PCDH7: variants seen among roughly 807,000 people sequenced by gnomAD.
PCDH7 encodes protocadherin 7.
PCDH7 carries 17 observed loss-of-function variants against 58.9 expected under a neutral mutation model. The observed-to-expected ratio is 0.29, with a 90% CI of 0.20 to 0.43. The LOEUF (loss-of-function observed/expected upper bound fraction) is 0.43, where lower values mean the gene tolerates loss of function less well. Ranked by LOEUF, PCDH7 falls within the 20% of genes least tolerant of loss-of-function variation. The pLI, the probability that PCDH7 is intolerant of heterozygous loss-of-function variation, is 1.00. For synonymous variants in PCDH7, 664 were observed against 616.4 expected (o/e 1.08, Z -1.14); for missense variants, 1,274 against 1,441.0 (o/e 0.88, Z 1.88).
At chr4:30,857,901 C>A (rs926733304) in intron 1 of PCDH7, among the ~76,000 whole-genome samples, 1 of 152,036 alleles carries the variant, frequency 6.6e-6, no homozygotes, top group Non-Finnish European at 1.5e-5. Context: ...ATAAACAATG[C>A]AGTTCATTGG....
intron 2 of PCDH7, chr4:30,935,173 ATTACT>A (rs1222020878): frequency 6.2e-6 from 1 of 160,278 alleles, no homozygotes; most frequent in Non-Finnish European, 1.3e-5. Flanking sequence ...ATTCTGAAGT[ATTACT>A]TTACTATATT....
intron 1 of PCDH7, among the ~76,000 whole-genome samples, chr4:30,807,488 G>A (rs560963505): frequency 2.0e-5 from 3 of 152,270 alleles, no homozygotes; most frequent in South Asian, 2.1e-4. Context: ...ACAGCAGTAC[G>A]GATGAGGATA....
chr4:31,122,220 T>A (rs1188530985), intron 3 of PCDH7, among the ~76,000 whole-genome samples: 1 of 152,084 alleles, frequency 6.6e-6, no homozygotes, highest in African/African-American at 2.4e-5. Flanking sequence ...TCACACCAAA[T>A]CCCCACGTGC....
intron 1 of PCDH7, among the ~76,000 whole-genome samples, chr4:30,918,217 A>G (rs2109412661): frequency 6.6e-6 from 1 of 152,240 alleles, no homozygotes; most frequent in Non-Finnish European, 1.5e-5. Flanking sequence ...CATTGCCCAG[A>G]AGTGTTTACT....
At position 31,079,619 on chromosome 4, in the gene PCDH7, G is replaced by A. The variant is rs549530338; in HGVS notation, c.*8-62854G>A. Among the ~76,000 whole-genome samples the A allele has an allele frequency of 2.4e-4, 36 of 151,024 alleles. No individual in the cohort carries two copies. The South Asian group carries it at 5.4e-3, about 23-fold the overall frequency. On this transcript the variant is annotated intron_variant, in intron 3 of 3. Coordinates refer to the PCDH7 transcript ENST00000509759. ...TTTGAGAGTACAGGTTTATAGAATT[G>A]CATTAGGAAGAAATTTTGCAATAGC...
chr4:30,832,913 T>G (rs1729982364), intron 1 of PCDH7, among the ~76,000 whole-genome samples: 3 of 152,170 alleles, frequency 2.0e-5, no homozygotes, highest in Admixed American at 1.3e-4. Flanking sequence ...AAATACTCAG[T>G]GTAGGTCACA....
intron 3 of PCDH7, among the ~76,000 whole-genome samples, chr4:30,968,669 C>G (rs1157352138): frequency 6.6e-6 from 1 of 151,882 alleles, no homozygotes. Context: ...TATTTTGAAT[C>G]CAGCTTTAAT....
intron 1 of PCDH7, among the ~76,000 whole-genome samples, chr4:30,828,505 A>G (rs1729369228): frequency 6.6e-6 from 1 of 151,936 alleles, no homozygotes; most frequent in Non-Finnish European, 1.5e-5. Context: ...TTCAGTTAAG[A>G]GGCAGTTTCC....
chr4:31,092,850 T>A (rs1713436406), intron 3 of PCDH7, among the ~76,000 whole-genome samples: 2 of 152,074 alleles, frequency 1.3e-5, no homozygotes, highest in Non-Finnish European at 2.9e-5. Flanking sequence ...TGTTCTCATT[T>A]CTATGACTGG....
chr4:31,042,201 T>C (rs543355397), intron 3 of PCDH7, among the ~76,000 whole-genome samples: 164 of 152,304 alleles, frequency 1.1e-3, no homozygotes, highest in Admixed American at 1.6e-3. Flanking sequence ...TGATTGATTG[T>C]CATTTTCTCT....
chr4:31,130,803 C>T (rs993842931), intron 3 of PCDH7, among the ~76,000 whole-genome samples: 1 of 152,138 alleles, frequency 6.6e-6, no homozygotes, highest in African/African-American at 2.4e-5. Flanking sequence ...CTTACATGGG[C>T]TTTTCTTCTG....
chr4:30,732,545 C>G (rs967757418), exon 2 of PCDH7: 1 of 152,250 alleles, frequency 6.6e-6, no homozygotes, highest in South Asian at 2.1e-4. Flanking sequence ...TTTATTGAGT[C>G]TCTACCACAA....
At chr4:31,134,466 A>G (rs1349303833) in intron 3 of PCDH7, among the ~76,000 whole-genome samples, 2 of 152,058 alleles carry the variant, frequency 1.3e-5, no homozygotes, top group Admixed American at 6.6e-5. Context: ...CTCAAAAAAC[A>G]AAAAACAAAC....
chr4:31,145,185 A>T (rs1720597390), downstream of PCDH7: 1 of 151,974 alleles, frequency 6.6e-6, no homozygotes, highest in Non-Finnish European at 1.5e-5. Flanking sequence ...GATTAATTGG[A>T]TCCACATTCC....
At chr4:31,074,886 T>C (rs1342465817) in intron 3 of PCDH7, among the ~76,000 whole-genome samples, 2 of 151,742 alleles carry the variant, frequency 1.3e-5, no homozygotes, top group African/African-American at 4.9e-5. Flanking sequence ...TCATCATTTG[T>C]ACCAGGAAAA....
chr4:30,770,008 A>G (rs955094478), intron 1 of PCDH7, among the ~76,000 whole-genome samples: 2 of 152,148 alleles, frequency 1.3e-5, no homozygotes, highest in African/African-American at 4.8e-5. Context: ...GAAGTGGCCA[A>G]TCCCGCAGGC....
intron 1 of PCDH7, among the ~76,000 whole-genome samples, chr4:30,762,824 T>C (rs1472760359): frequency 6.6e-6 from 1 of 152,214 alleles, no homozygotes; most frequent in African/African-American, 2.4e-5. Context: ...CCAATAATTA[T>C]AAGTTTACTG....
intron 3 of PCDH7, among the ~76,000 whole-genome samples, chr4:31,000,599 A>G (rs543174977): frequency 1.6e-3 from 244 of 152,192 alleles, no homozygotes; most frequent in African/African-American, 5.6e-3. Context: ...TATGAGGTCA[A>G]TTAAATGGTA....
At chr4:30,798,373 C>A (rs1227006053) in intron 1 of PCDH7, among the ~76,000 whole-genome samples, 2 of 152,130 alleles carry the variant, frequency 1.3e-5, no homozygotes, top group African/African-American at 4.8e-5. Context: ...CTCCATTAGA[C>A]TTAAAACCCT....
Sources: gnomAD v4.1 joint callset for allele counts (sites outside exome capture counted in the v4.1 genomes callset) on GRCh38, gnomAD v4.1.1 for gene constraint, MANE v1.5 for transcripts, NCBI Gene and HGNC (gene_info 2026-07-23, HGNC 2026-07-21) for gene names.